Variants in SPATA6 observed in about 807,000 individuals in gnomAD.
SPATA6 encodes spermatogenesis-associated protein 6.
Under a neutral mutation model 65.3 loss-of-function variants are expected in SPATA6, and 56 were observed. The observed-to-expected ratio is 0.86, with a 90% confidence interval of 0.69 to 1.07. The LOEUF is 1.07. Among genes scored for constraint, SPATA6 ranks in the 50% least tolerant of loss-of-function variants. The pLI, the probability that SPATA6 is intolerant of heterozygous loss-of-function variation, is 0.00. For missense variants in SPATA6, 590 were observed against 594.8 expected (o/e 0.99, Z 0.08); for synonymous variants, 199 against 213.2 (o/e 0.93, Z 0.58).
chr1:48,361,532 C>T (rs1473948065), intron 9 of SPATA6, among the ~76,000 whole-genome samples: 1 of 152,016 alleles, frequency 6.6e-6, no homozygotes, highest in African/African-American at 2.4e-5. Context: ...TATTTGAGTC[C>T]CAGTCATGTC....
At chr1:48,365,357 G>C (rs1480621835) in intron 9 of SPATA6, among the ~76,000 whole-genome samples, 3 of 152,142 alleles carry the variant, frequency 2.0e-5, no homozygotes, top group Admixed American at 6.5e-5. Flanking sequence ...CAGCTTGATG[G>C]GGGTGGCATT....
intron 11 of SPATA6, among the ~76,000 whole-genome samples, chr1:48,343,896 A>G (rs1309930139): frequency 6.6e-6 from 1 of 152,156 alleles, no homozygotes; most frequent in East Asian, 1.9e-4. Context: ...AGGAACAGGA[A>G]AGAAAATCCC....
chr1:48,445,167 C>A (rs1655893713), intron 3 of SPATA6, among the ~76,000 whole-genome samples: 1 of 152,194 alleles, frequency 6.6e-6, no homozygotes, highest in African/African-American at 2.4e-5. Context: ...TTTGCTTCCA[C>A]TGACATACAG....
chr1:48,303,517 C>G (rs577654457), intron 12 of SPATA6, among the ~76,000 whole-genome samples: 1 of 152,294 alleles, frequency 6.6e-6, no homozygotes, highest in South Asian at 2.1e-4. Flanking sequence ...TGAGAACATG[C>G]AACATTTGTC....
At chr1:48,318,149 C>T (rs1427584185) in intron 11 of SPATA6, among the ~76,000 whole-genome samples, 9 of 152,132 alleles carry the variant, frequency 5.9e-5, no homozygotes, top group African/African-American at 2.2e-4. Context: ...ATGGTAAATG[C>T]CATCTGTTAA....
chr1:48,398,007 T>C (rs1369296635), intron 7 of SPATA6, among the ~76,000 whole-genome samples: 1 of 151,668 alleles, frequency 6.6e-6, no homozygotes, highest in Non-Finnish European at 1.5e-5. Context: ...AATTAAAATG[T>C]TACTATTCCT....
chr1:48,304,736 A>G (rs1470666416), intron 12 of SPATA6, among the ~76,000 whole-genome samples: 3 of 152,184 alleles, frequency 2.0e-5, no homozygotes, highest in Non-Finnish European at 4.4e-5. Flanking sequence ...TATATTTTTT[A>G]AAAACAACTT....
intron 8 of SPATA6, among the ~76,000 whole-genome samples, chr1:48,388,472 C>A (rs949322942): frequency 6.6e-6 from 1 of 152,016 alleles, no homozygotes; most frequent in Non-Finnish European, 1.5e-5. Context: ...ACAAAATAAT[C>A]CTCCAGAAAC....
At chr1:48,273,852 G>C in the SPATA6 span, among the ~76,000 whole-genome samples, 1 of 152,042 alleles carries the variant, frequency 6.6e-6, no homozygotes, top group Non-Finnish European at 1.5e-5. Flanking sequence ...CTTTGGGCCT[G>C]TGCCCTGTAA....
chr1:48,419,069 A>C (rs1308414712), intron 3 of SPATA6, among the ~76,000 whole-genome samples: 2 of 152,186 alleles, frequency 1.3e-5, no homozygotes, highest in African/African-American at 4.8e-5. Flanking sequence ...AAACTAGAAA[A>C]TACTTTAAAA....
At chr1:48,417,265 C>A in intron 3 of SPATA6, among the ~76,000 whole-genome samples, 1 of 151,992 alleles carries the variant, frequency 6.6e-6, no homozygotes, top group African/African-American at 2.4e-5. Context: ...AGATAATATG[C>A]CAAAGTCAAA....
intron 11 of SPATA6, chr1:48,355,430 T>C: frequency 6.0e-6 from 2 of 334,952 alleles, no homozygotes; most frequent in Non-Finnish European, 5.5e-6. Flanking sequence ...CTTTATAAGA[T>C]AATTATCACT....
rs1646897297 is a variant in SPATA6 at position 48,363,766 on chromosome 1, TC to T, written c.910-3997del. 2.0e-5 allele frequency among the ~76,000 whole-genome samples: 3 copies of T among 151,806 alleles called. No homozygotes were observed. The East Asian group carries it at 5.8e-4, about 29-fold the overall frequency. On this transcript the variant is annotated intron_variant, in intron 9 of 12. Transcript: ENST00000371847. The stretch of plus-strand genomic sequence containing the variant: ...GGTAAAAAAGGAAACTTCTTTTTTT[TC>T]ATGTTGCCTTTTTTCTTTTTTTATT...
chr1:48,436,157 CA>C, intron 3 of SPATA6: 1 of 1,610,260 alleles, frequency 6.2e-7, no homozygotes, highest in Non-Finnish European at 8.5e-7. Context: ...CAAGTAGAAA[CA>C]GGAAGAGGAT....
In SPATA6 at chr1:48,376,968, G is replaced by A. The variant is rs1026081840; in HGVS notation, c.909+8341C>T. ...ACGACTGCCATATTTGTGGTCCATC[G>A]CTGACCAAAACATCATCACACACCA... On this transcript the variant is annotated intron_variant, in intron 9 of 12. Coordinates refer to ENST00000371847, the MANE Select transcript of SPATA6 (RefSeq NM_019073.4). Among the ~76,000 whole-genome samples, 5 of 152,164 alleles carry A rather than the reference G, an allele frequency of 3.3e-5. No individual in the cohort carries two copies. The South Asian group carries it at 6.2e-4, about 19-fold the overall frequency.
At chr1:48,369,364 G>T (rs1397851858) in intron 9 of SPATA6, among the ~76,000 whole-genome samples, 1 of 152,174 alleles carries the variant, frequency 6.6e-6, no homozygotes, top group African/African-American at 2.4e-5. Flanking sequence ...GTTTGTCTGT[G>T]CCCTGCCCCC....
the SPATA6 span, among the ~76,000 whole-genome samples, chr1:48,279,426 T>C: frequency 6.6e-6 from 1 of 152,274 alleles, no homozygotes; most frequent in Admixed American, 6.5e-5. Context: ...TGTGCTGTAT[T>C]CAGCAAACCC....
chr1:48,325,598 C>A (rs1017446483), intron 11 of SPATA6: 2 of 863,490 alleles, frequency 2.3e-6, no homozygotes, highest in African/African-American at 3.3e-5. Flanking sequence ...GGTGGAAATC[C>A]ACTTGTTGTG....
rs1171378814 is a variant in SPATA6, at chr1:48,359,756, G to A, written c.924C>T (p.Pro308=). The change falls in exon 10 of 13, where the codon CCC becomes CCT. Residue 308 remains proline (P), a synonymous_variant. Coordinates refer to ENST00000371847, the MANE Select transcript of SPATA6 (RefSeq NM_019073.4). ...RPKDYKVIRT[P]HGRDFDDSLE... Reference sequence around the variant, plus strand: ...AAGAGTCATCGAAGTCTCTCCCATGGGGTGTCCTGATAACCTGTTTTAAAA... The same window carrying A: ...AAGAGTCATCGAAGTCTCTCCCATGAGGTGTCCTGATAACCTGTTTTAAAA... 6.2e-7 allele frequency: 1 copy of A among 1,611,368 alleles called. No individual in the cohort carries two copies. Among genetic ancestry groups the A allele is most frequent in the East Asian group, 2.2e-5 (1 of 44,836 alleles).
Sources: allele counts gnomAD v4.1 joint callset (sites outside exome capture counted in the v4.1 genomes callset), GRCh38; gene constraint gnomAD v4.1.1; transcripts MANE v1.5; gene names NCBI Gene and HGNC (gene_info 2026-07-23, HGNC 2026-07-21).